The following SLC35D2 variants were observed in gnomAD, a reference collection of about 807,000 sequenced individuals.
SLC35D2 encodes solute carrier family 35 member D2, also known as nucleotide sugar transporter SLC35D2.
A neutral mutation model predicts 41.8 loss-of-function variants in SLC35D2; 43 were observed. The observed-to-expected ratio is 1.03, with a 90% confidence interval of 0.81 to 1.33. SLC35D2 has a LOEUF of 1.33. Ranked by LOEUF, SLC35D2 falls within the 40% of genes most tolerant of loss-of-function variation. The pLI, the probability that SLC35D2 is intolerant of heterozygous loss-of-function variation, is 0.00. For synonymous variants in SLC35D2, 150 were observed against 163.9 expected, an observed-to-expected ratio of 0.92 and a Z score of 0.65; for missense variants, 380 against 408.4, an observed-to-expected ratio of 0.93 and a Z score of 0.60.
chr9:96,378,542 T>A (rs902750976), intron 1 of SLC35D2, among the ~76,000 whole-genome samples: 1 of 152,186 alleles, frequency 6.6e-6, no homozygotes, highest in African/African-American at 2.4e-5. Context: ...AAGTTAGATA[T>A]TTTTATTAAG....
At chr9:96,322,978 C>T (rs1051285019) in intron 10 of SLC35D2, among the ~76,000 whole-genome samples, 6 of 151,010 alleles carry the variant, frequency 4.0e-5, no homozygotes, top group Admixed American at 6.6e-5. Context: ...CTTGGCCTCT[C>T]GAAGTGCTGG....
intron 4 of SLC35D2, among the ~76,000 whole-genome samples, chr9:96,355,008 G>A (rs1202591888): frequency 6.6e-6 from 1 of 150,454 alleles, no homozygotes; most frequent in African/African-American, 2.4e-5. Flanking sequence ...GAGCAGCCTG[G>A]GCAACAGAGC....
At chr9:96,338,352 C>T (rs924623781) in intron 8 of SLC35D2, among the ~76,000 whole-genome samples, 2 of 152,086 alleles carry the variant, frequency 1.3e-5, no homozygotes, top group African/African-American at 4.8e-5. Flanking sequence ...GTCATTGTTT[C>T]ATGAGTAATG....
intron 1 of SLC35D2, among the ~76,000 whole-genome samples, chr9:96,373,319 GCAAA>G (rs899984126): frequency 6.6e-6 from 1 of 152,102 alleles, no homozygotes; most frequent in African/African-American, 2.4e-5. Flanking sequence ...TATTATTTCT[GCAAA>G]CAATGAGAAT....
rs1269132155 is a variant in SLC35D2, at chr9:96,368,718, A to T, written c.159-413T>A. On this transcript the variant is annotated intron_variant, in intron 1 of 11. Transcript: ENST00000253270. ...TATATGTGTATATTATATATATATT[A>T]TATATATTATACTCCCTCTCTCTCT... Among the ~76,000 whole-genome samples, 7 of 148,766 alleles carry T rather than the reference A, an allele frequency of 4.7e-5. No homozygotes were observed. The East Asian group carries it at 1.4e-3, about 29-fold the overall frequency.
At chr9:96,342,381 C>T (rs146337932) in intron 8 of SLC35D2, among the ~76,000 whole-genome samples, 2,094 of 152,254 alleles carry the variant, frequency 0.014, 42 homozygotes, top group African/African-American at 0.047. Flanking sequence ...CTGCCTGCCT[C>T]GGCCTCCCAA....
At chr9:96,362,883 T>C (rs1350060795) in intron 3 of SLC35D2, among the ~76,000 whole-genome samples, 1 of 151,670 alleles carries the variant, frequency 6.6e-6, no homozygotes, top group Non-Finnish European at 1.5e-5. Flanking sequence ...TTTTTTTTTT[T>C]TGAGATGGGG....
At chr9:96,319,811 C>A (rs989908147), downstream of SLC35D2, among the ~76,000 whole-genome samples, 1 of 152,202 alleles carries the variant, frequency 6.6e-6, no homozygotes. Context: ...CATAAAAATC[C>A]ACACGATTCC....
chr9:96,334,618 A>G (rs987001774), intron 9 of SLC35D2, among the ~76,000 whole-genome samples: 62 of 152,192 alleles, frequency 4.1e-4, no homozygotes, highest in Non-Finnish European at 1.5e-5. Flanking sequence ...AGCCTGGGAG[A>G]CAAAGTGAGA....
At chr9:96,314,536 C>T (rs1828004895) in exon 12 of SLC35D2, 1 of 151,874 alleles carries the variant, frequency 6.6e-6, no homozygotes, top group African/African-American at 2.4e-5. Context: ...GGGAGCTGAA[C>T]AATGAGAATA....
intron 1 of SLC35D2, among the ~76,000 whole-genome samples, chr9:96,377,800 T>C (rs973681821): frequency 2.6e-5 from 4 of 152,064 alleles, no homozygotes; most frequent in Non-Finnish European, 4.4e-5. Context: ...AAGACTTAGA[T>C]AATCAGTCAC....
downstream of SLC35D2, among the ~76,000 whole-genome samples, chr9:96,319,146 A>G (rs765420363): frequency 6.6e-6 from 1 of 152,242 alleles, no homozygotes; most frequent in African/African-American, 2.4e-5. Context: ...CTGGATAAAC[A>G]GAATGCGGCA....
intron 3 of SLC35D2, among the ~76,000 whole-genome samples, chr9:96,362,523 A>G (rs1160005514): frequency 6.6e-6 from 1 of 152,154 alleles, no homozygotes; most frequent in Non-Finnish European, 1.5e-5. Context: ...AGAAAAAAAA[A>G]AAGAATTTAG....
downstream of SLC35D2, among the ~76,000 whole-genome samples, chr9:96,318,524 TCAA>T (rs1384766534): frequency 1.3e-5 from 2 of 151,778 alleles, no homozygotes; most frequent in African/African-American, 2.4e-5. Context: ...CTCCTACAAC[TCAA>T]CAACAATAAA....
At chr9:96,382,463 T>TTA (rs1308918832) in intron 1 of SLC35D2, among the ~76,000 whole-genome samples, 3 of 102,156 alleles carry the variant, frequency 2.9e-5, no homozygotes, top group Non-Finnish European at 5.5e-5. Flanking sequence ...CAAAAAAATA[T>TTA]TATACACACA....
intron 9 of SLC35D2, among the ~76,000 whole-genome samples, chr9:96,334,924 TAAAATC>T (rs1828982761): frequency 6.6e-6 from 1 of 152,200 alleles, no homozygotes; most frequent in Admixed American, 6.5e-5. Flanking sequence ...ATAAAATTGT[TAAAATC>T]AAAAACTCCA....
intron 1 of SLC35D2, among the ~76,000 whole-genome samples, chr9:96,376,645 C>T (rs1005411639): frequency 1.5e-4 from 22 of 151,390 alleles, no homozygotes; most frequent in Non-Finnish European, 4.4e-5. Flanking sequence ...GGTTGGTGGG[C>T]GCCCATAATC....
At chr9:96,329,848 G>A (rs372545539) in intron 9 of SLC35D2, among the ~76,000 whole-genome samples, 5 of 152,208 alleles carry the variant, frequency 3.3e-5, no homozygotes, top group African/African-American at 9.6e-5. Flanking sequence ...ATTAGTCAGC[G>A]TTCCCCAGAG....
At chr9:96,315,295 C>T (rs888153581) in intron 11 of SLC35D2, among the ~76,000 whole-genome samples, 8 of 136,154 alleles carry the variant, frequency 5.9e-5, no homozygotes, top group Admixed American at 7.4e-5. Flanking sequence ...AATGTTTGTA[C>T]TTTATGGTAG....
Sources: gnomAD v4.1 joint callset for allele counts (sites outside exome capture counted in the v4.1 genomes callset) on GRCh38, gnomAD v4.1.1 for gene constraint, MANE v1.5 for transcripts, NCBI Gene and HGNC (gene_info 2026-07-23, HGNC 2026-07-21) for gene names.